CSMD1: variants seen among roughly 807,000 people sequenced by gnomAD.
CSMD1 encodes the protein CUB and sushi domain-containing protein 1.
Under a neutral mutation model 417.5 loss-of-function variants are expected in CSMD1, and 213 were observed. That is an observed-to-expected ratio of 0.51 (90% CI 0.46 to 0.57). The LOEUF is 0.57. Ranked by LOEUF, CSMD1 falls within the 20% of genes least tolerant of loss-of-function variation. The pLI is 0.00. For synonymous variants in CSMD1, 2,862 were observed against 1,736.8 expected (o/e 1.65, Z -16.11); for missense variants, 6,923 against 4,529.7 (o/e 1.53, Z -15.17).
chr8:4,580,890 C>A (rs1342246657), intron 2 of CSMD1, among the ~76,000 whole-genome samples: 1 of 152,052 alleles, frequency 6.6e-6, no homozygotes, highest in East Asian at 1.9e-4. Flanking sequence ...TGCATTTTTC[C>A]CTGCTATTGT....
chr8:4,762,974 T>G (rs531128231), intron 1 of CSMD1, among the ~76,000 whole-genome samples: 1 of 152,230 alleles, frequency 6.6e-6, no homozygotes, highest in East Asian at 1.9e-4. Context: ...TGGTGGCGTG[T>G]GGGAGGAGAC....
intron 5 of CSMD1, among the ~76,000 whole-genome samples, chr8:3,846,707 G>C (rs1435455754): frequency 2.6e-5 from 4 of 151,986 alleles, no homozygotes; most frequent in African/African-American, 4.8e-5. Flanking sequence ...GCCCAGGCTG[G>C]AGTGCAGTGG....
intron 67 of CSMD1, among the ~76,000 whole-genome samples, chr8:2,949,827 G>T (rs1030629766): frequency 6.6e-6 from 1 of 152,128 alleles, no homozygotes; most frequent in African/African-American, 2.4e-5. Context: ...GCAAAGAACG[G>T]TGTTAAGGGG....
chr8:4,482,124 G>A (rs1801132595), intron 2 of CSMD1, among the ~76,000 whole-genome samples: 1 of 152,058 alleles, frequency 6.6e-6, no homozygotes, highest in Non-Finnish European at 1.5e-5. Flanking sequence ...TTAAGTTCAG[G>A]GGTACATGAG....
At chr8:3,922,467 C>T (rs184070533) in intron 5 of CSMD1, among the ~76,000 whole-genome samples, 1 of 152,108 alleles carries the variant, frequency 6.6e-6, no homozygotes, top group African/African-American at 2.4e-5. Context: ...TGTTTCTCGT[C>T]ACATTTTCTT....
At chr8:4,250,183 T>C (rs969282599) in intron 3 of CSMD1, among the ~76,000 whole-genome samples, 2 of 152,200 alleles carry the variant, frequency 1.3e-5, no homozygotes, top group African/African-American at 4.8e-5. Context: ...AATACATTTC[T>C]TTTCTTTACA....
chr8:2,970,460 C>T (rs187838085), intron 57 of CSMD1, among the ~76,000 whole-genome samples: 3 of 152,272 alleles, frequency 2.0e-5, no homozygotes, highest in East Asian at 3.9e-4. Flanking sequence ...TCAATTATTG[C>T]ATTTAATATT....
At chr8:3,693,599 C>G (rs76530844) in intron 7 of CSMD1, among the ~76,000 whole-genome samples, 2 of 152,056 alleles carry the variant, frequency 1.3e-5, no homozygotes, top group Non-Finnish European at 2.9e-5. Flanking sequence ...AATCCCCACC[C>G]TTATTCCATG....
At chr8:4,610,109 C>G (rs1801086066) in intron 2 of CSMD1, among the ~76,000 whole-genome samples, 1 of 151,548 alleles carries the variant, frequency 6.6e-6, no homozygotes, top group Non-Finnish European at 1.5e-5. Context: ...CTCTCCTTTT[C>G]AGGGAAAGGG....
At chr8:4,930,117 A>G (rs923138875) in intron 1 of CSMD1, among the ~76,000 whole-genome samples, 27 of 152,146 alleles carry the variant, frequency 1.8e-4, no homozygotes, top group African/African-American at 1.9e-4. Flanking sequence ...TTTTTGTGTG[A>G]CCTTACATCA....
chr8:3,262,263 G>T (rs1287572704), intron 26 of CSMD1, among the ~76,000 whole-genome samples: 1 of 137,860 alleles, frequency 7.3e-6, no homozygotes, highest in Admixed American at 7.4e-5. Flanking sequence ...AATTCCGAGA[G>T]GTTAAAACAT....
At position 4,209,483 on chromosome 8, in the gene CSMD1, T is replaced by A. The variant is rs982991933; in HGVS notation, c.416-177384A>T. ...TCACATCTGCTAGTTCCCGAACACTTCCCTTAACCTCACTCCCATGGCCCC... is the reference window on the plus strand; with the variant it reads ...TCACATCTGCTAGTTCCCGAACACTACCCTTAACCTCACTCCCATGGCCCC... On this transcript the variant is annotated intron_variant, in intron 3 of 69. Transcript: ENST00000635120. Among the ~76,000 whole-genome samples the A allele has an allele frequency of 2.6e-5, 4 of 152,148 alleles. No individual in the cohort carries two copies. In the South Asian group the frequency reaches 6.2e-4, roughly 24 times the overall value.
chr8:3,709,926 G>A, intron 6 of CSMD1, among the ~76,000 whole-genome samples: 1 of 648 alleles, frequency 1.5e-3, no homozygotes, highest in South Asian at 0.056. Flanking sequence ...GACCCCTGAA[G>A]CATACAAGGG....
At chr8:3,529,850 C>A (rs1797904536) in intron 10 of CSMD1, among the ~76,000 whole-genome samples, 1 of 152,088 alleles carries the variant, frequency 6.6e-6, no homozygotes, top group Admixed American at 6.6e-5. Flanking sequence ...TTTTCTTGGA[C>A]AATAAATTAA....
chr8:3,926,102 C>CACACCATACAG (rs1809688491), intron 5 of CSMD1, among the ~76,000 whole-genome samples: 4 of 52,094 alleles, frequency 7.7e-5, no homozygotes, highest in African/African-American at 2.4e-4. Flanking sequence ...CACACACACA[C>CACACCATACAG]ACACACACAC....
intron 3 of CSMD1, among the ~76,000 whole-genome samples, chr8:4,186,046 G>A (rs1218582459): frequency 1.3e-5 from 2 of 152,126 alleles, no homozygotes; most frequent in African/African-American, 2.4e-5. Flanking sequence ...TGCCTGGGTG[G>A]GCCTGGATTC....
intron 3 of CSMD1, among the ~76,000 whole-genome samples, chr8:4,310,637 G>A (rs1392700787): frequency 1.3e-5 from 2 of 152,118 alleles, no homozygotes; most frequent in East Asian, 3.9e-4. Context: ...AAATGAGTCA[G>A]ACACATTTGA....
At chr8:2,963,593 A>G (rs1803690156) in intron 59 of CSMD1, among the ~76,000 whole-genome samples, 198 bp from the exon 60 acceptor site, 1 of 152,244 alleles carries the variant, frequency 6.6e-6, no homozygotes, top group African/African-American at 2.4e-5. Flanking sequence ...CTTCATTAAT[A>G]TCGATGAAGT....
intron 3 of CSMD1, among the ~76,000 whole-genome samples, chr8:4,138,297 A>G (rs1585398405): frequency 6.7e-6 from 1 of 150,134 alleles, no homozygotes; most frequent in Non-Finnish European, 1.5e-5. Context: ...TGCAGGTTTC[A>G]GAATCATACA....
Sources: allele counts gnomAD v4.1 joint callset (sites outside exome capture counted in the v4.1 genomes callset), GRCh38; gene constraint gnomAD v4.1.1; transcripts MANE v1.5; gene names NCBI Gene and HGNC (gene_info 2026-07-23, HGNC 2026-07-21).